KCNQ1: variants seen among roughly 807,000 people sequenced by gnomAD.
KCNQ1 encodes the protein potassium voltage-gated channel subfamily KQT member 1.
A neutral mutation model predicts 72.4 loss-of-function variants in KCNQ1; 49 were observed. The observed-to-expected ratio is 0.68, with a 90% CI of 0.54 to 0.86. KCNQ1 has a LOEUF of 0.86. Ranked by LOEUF, KCNQ1 falls within the 40% of genes least tolerant of loss-of-function variation. The pLI is 0.00. For missense variants in KCNQ1, 790 were observed against 945.1 expected (o/e 0.84, Z 2.15); for synonymous variants, 450 against 412.6 (o/e 1.09, Z -1.10).
rs75577538 is a variant in KCNQ1 at position 2,683,898 on chromosome 11, G to A, written c.1514+21817G>A. The A allele has an allele frequency of 2.6e-3, 1,015 of 397,644 alleles. 34 individuals are homozygous for A. The East Asian group carries it at 0.027, about 11-fold the overall frequency. 24.6% of individuals were successfully genotyped at this position (397,644 alleles called of 1,614,324 possible). ...CTTCCAAATCATAAATGCAAAAGATGGCCAAAGGTGCATGCTCTGTGACAC... is the reference window on the plus strand; with the variant it reads ...CTTCCAAATCATAAATGCAAAAGATAGCCAAAGGTGCATGCTCTGTGACAC... On this transcript the variant is annotated intron_variant, in intron 11 of 15. Coordinates refer to ENST00000155840, the MANE Select transcript of KCNQ1 (RefSeq NM_000218.3). This position sits in a 1 kb window ranked among gnomAD's most constrained non-coding sequence, Gnocchi z 4.7.
At chr11:2,578,792 C>T (rs1439133685) in intron 6 of KCNQ1, among the ~76,000 whole-genome samples, 1 of 152,272 alleles carries the variant, frequency 6.6e-6, no homozygotes, top group East Asian at 1.9e-4. Flanking sequence ...AGGTCGGGGC[C>T]TGCAATGGCT....
Position 2,544,366 on chromosome 11 carries a change from A to G in KCNQ1, c.477+16348A>G, listed in dbSNP as rs1377898324. On this transcript the variant is annotated intron_variant, in intron 2 of 15. Transcript: ENST00000155840. The surrounding 1 kb of genome is among the most constrained non-coding windows in gnomAD (Gnocchi z 4.4). ...TATATGTATATATATGTGTATATATATGTGTATATATATGTGTGCATATAT... is the reference window on the plus strand; with the variant it reads ...TATATGTATATATATGTGTATATATGTGTGTATATATATGTGTGCATATAT... 3.4e-5 allele frequency among the ~76,000 whole-genome samples: 5 copies of G among 145,124 alleles called. No individual in the cohort carries two copies. The highest frequency in any genetic ancestry group is 7.7e-5 in the African/African-American group (3 of 38,866).
Position 2,848,174 on chromosome 11 carries a change from G to A in KCNQ1, c.*171G>A, listed in dbSNP as rs886048168. The stretch of plus-strand genomic sequence containing the variant: ...CTGTCTGGCACAGCCTGCACTTGGG[G>A]GCTCAGCAAGGCCACCTCTTCCTGG... On this transcript the variant is annotated 3_prime_UTR_variant, in exon 16 of 16. Coordinates refer to ENST00000155840, the MANE Select transcript of KCNQ1 (RefSeq NM_000218.3). 3 of 714,946 alleles carry A rather than the reference G, an allele frequency of 4.2e-6. No homozygotes were observed. The highest frequency in any genetic ancestry group is 7.3e-6 in the Non-Finnish European group (3 of 408,760). The allele number at this position is 714,946 out of a possible 1,614,324, so 44.3% of individuals were successfully genotyped here. A position where few individuals can be genotyped will look rare whatever the true frequency, so the allele number is the denominator to read the frequency against.
chr11:2,789,044 C>T (rs1846967803), intron 15 of KCNQ1, among the ~76,000 whole-genome samples: 1 of 152,042 alleles, frequency 6.6e-6, no homozygotes, highest in Non-Finnish European at 1.5e-5. Flanking sequence ...GGACCGAGGC[C>T]CCGTACCCTC....
chr11:2,781,630 C>T lies in KCNQ1; in HGVS notation c.1794+3593C>T, dbSNP rs1846824232. ...AATCGATGGCAGAGGCCGCTCCAGC[C>T]CTCCTCCCCCAGCAAGTATTCTTAG... On this transcript the variant is annotated intron_variant, in intron 15 of 15. Transcript: ENST00000155840. This position sits in a 1 kb window ranked among gnomAD's most constrained non-coding sequence, Gnocchi z 6.6. Among the ~76,000 whole-genome samples, 1 of 152,248 alleles carries T rather than the reference C, an allele frequency of 6.6e-6. No individual in the cohort carries two copies. Among genetic ancestry groups the T allele is most frequent in the African/African-American group, 2.4e-5 (1 of 41,466 alleles).
intron 15 of KCNQ1, among the ~76,000 whole-genome samples, chr11:2,794,129 G>C (rs986905029): frequency 6.6e-6 from 1 of 152,210 alleles, no homozygotes; most frequent in Non-Finnish European, 1.5e-5. Flanking sequence ...CGTGGGAGGA[G>C]GGTTACAGGC....
chr11:2,629,859 C>T (rs966283154), intron 10 of KCNQ1: 2 of 397,876 alleles, frequency 5.0e-6, no homozygotes, highest in Non-Finnish European at 8.9e-6. Flanking sequence ...TATATGATGT[C>T]ATCTGCAAAC....
At chr11:2,568,836 A>G (rs1183546624) in intron 2 of KCNQ1, among the ~76,000 whole-genome samples, 1 of 152,150 alleles carries the variant, frequency 6.6e-6, no homozygotes, top group African/African-American at 2.4e-5. Context: ...ATGAGGCCAC[A>G]GAGCCTGCAG....
rs192724723 is a variant in KCNQ1 at position 2,507,318 on chromosome 11, G to A, written c.387-20610G>A. ...CTGGGGCCTTCACGAGGCCCCTCTG[G>A]CCTCTAAGTGGAGCATGGAGTGTGG... On this transcript the variant is annotated intron_variant, in intron 1 of 15. Coordinates refer to ENST00000155840, the MANE Select transcript of KCNQ1 (RefSeq NM_000218.3). This position sits in a 1 kb window ranked among gnomAD's most constrained non-coding sequence, Gnocchi z 5.4. Among the ~76,000 whole-genome samples, 1 of 152,172 alleles carries A rather than the reference G, an allele frequency of 6.6e-6. No individual in the cohort carries two copies. The highest frequency in any genetic ancestry group is 2.4e-5 in the African/African-American group (1 of 41,442).
At chr11:2,557,905 A>G (rs1366688341) in intron 2 of KCNQ1, among the ~76,000 whole-genome samples, 1 of 152,262 alleles carries the variant, frequency 6.6e-6, no homozygotes, top group Non-Finnish European at 1.5e-5. Context: ...TCTGCGGAAC[A>G]CTTACAAAAC....
chr11:2,699,445 A>G (rs12277353), intron 11 of KCNQ1: 105,048 of 402,258 alleles, frequency 0.26, 14,828 homozygotes, highest in African/African-American at 0.42. Context: ...GGAGAACCGC[A>G]CTGAGGAGCC....
intron 1 of KCNQ1, among the ~76,000 whole-genome samples, chr11:2,489,050 G>A (rs2133623526): frequency 6.6e-6 from 1 of 152,130 alleles, no homozygotes; most frequent in South Asian, 2.1e-4. Flanking sequence ...CCAAATTTGA[G>A]AACTATCTAC....
intron 1 of KCNQ1, among the ~76,000 whole-genome samples, chr11:2,499,017 C>T (rs998261313): frequency 2.0e-5 from 3 of 152,126 alleles, no homozygotes; most frequent in African/African-American, 4.8e-5. Context: ...GAGGCGATGC[C>T]CCACCTGCTT....
rs1849159891 is a variant in KCNQ1 at position 2,620,945 on chromosome 11, T to TCTG, written c.1393+32091_1393+32092insCTG. 2 of 305,998 alleles carry TCTG rather than the reference T, an allele frequency of 6.5e-6. No individual in the cohort carries two copies. The highest frequency in any genetic ancestry group is 1.1e-5 in the Non-Finnish European group (2 of 188,164). The allele number at this position is 305,998 out of a possible 1,614,324, so 19.0% of individuals were successfully genotyped here. ...TGTTTTTTTGTTGTTGTTGTTTTGTTTTGTTTTTTTTTGTCTGTTTTTTGC... is the reference window on the plus strand; with the variant it reads ...TGTTTTTTTGTTGTTGTTGTTTTGTTCTGTTGTTTTTTTTTGTCTGTTTTTTGC... On this transcript the variant is annotated intron_variant, in intron 10 of 15. Transcript: ENST00000155840. The surrounding 1 kb of genome is among the most constrained non-coding windows in gnomAD (Gnocchi z 4.5).
rs543097575 is a variant in KCNQ1, at chr11:2,827,547, G to A, written c.1795-20220G>A. ...CCGGAATGTGACGCACGCCTGAGTC[G>A]CTGCAAGGGCCCCTGGGGACGGAGT... On this transcript the variant is annotated intron_variant, in intron 15 of 15. Transcript: ENST00000155840. This position sits in a 1 kb window ranked among gnomAD's most constrained non-coding sequence, Gnocchi z 6.7. Among the ~76,000 whole-genome samples the A allele has an allele frequency of 2.7e-4, 41 of 150,746 alleles. No individual in the cohort carries two copies. Among genetic ancestry groups the A allele is most frequent in the African/African-American group, 9.3e-4 (38 of 41,008 alleles).
Position 2,694,069 on chromosome 11 carries a change from G to A in KCNQ1, c.1514+31988G>A, listed in dbSNP as rs1237176521. ...ATGGCTGAGGGACGGCAGCTGACAC[G>A]TAGTTCCAACTAAACCTCTGGGTGG... is the stretch of plus-strand genomic sequence containing the variant. On this transcript the variant is annotated intron_variant, in intron 11 of 15. Transcript: ENST00000155840. The A allele has an allele frequency of 2.8e-5, 11 of 398,574 alleles. No homozygotes were observed. The South Asian group carries it at 3.8e-4, about 14-fold the overall frequency. 24.7% of individuals were successfully genotyped at this position (398,574 alleles called of 1,614,324 possible).
At chr11:2,517,087 G>C (rs776901245) in intron 1 of KCNQ1, among the ~76,000 whole-genome samples, 12 of 152,208 alleles carry the variant, frequency 7.9e-5, no homozygotes, top group Admixed American at 2.0e-4. Flanking sequence ...TCCGCACTGA[G>C]GTGTGGTCGA....
rs1000670074 is a variant in KCNQ1 at position 2,817,974 on chromosome 11, A to G, written c.1795-29793A>G. ...AAAACTAACTTCGTATAACCCAACT[A>G]TTCCCAAACTCTATCTACAAAATAT... On this transcript the variant is annotated intron_variant, in intron 15 of 15. Transcript: ENST00000155840. The surrounding 1 kb of genome is among the most constrained non-coding windows in gnomAD (Gnocchi z 6.1). 6.6e-6 allele frequency among the ~76,000 whole-genome samples: 1 copy of G among 152,156 alleles called. No individual in the cohort carries two copies. Among genetic ancestry groups the G allele is most frequent in the Non-Finnish European group, 1.5e-5 (1 of 68,028 alleles).
intron 10 of KCNQ1, chr11:2,625,250 G>C: frequency 2.5e-6 from 1 of 398,610 alleles, no homozygotes; most frequent in Non-Finnish European, 4.4e-6. Context: ...GTTATTTTCT[G>C]TTTATGTGGG....
Sources: allele counts gnomAD v4.1 joint callset (sites outside exome capture counted in the v4.1 genomes callset), GRCh38; gene constraint gnomAD v4.1.1; non-coding constraint Gnocchi (gnomAD v3.1); transcripts MANE v1.5; gene names NCBI Gene and HGNC (gene_info 2026-07-23, HGNC 2026-07-21).